The following SLC26A3 variants were observed in gnomAD, a reference collection of about 807,000 sequenced individuals.
SLC26A3 encodes the protein solute carrier family 26 member 3.
SLC26A3 carries 64 observed loss-of-function variants against 85.6 expected under a neutral mutation model. That is an observed-to-expected ratio of 0.75 (90% confidence interval 0.61 to 0.92). The LOEUF (loss-of-function observed/expected upper bound fraction) is 0.92, where lower values mean the gene tolerates loss of function less well. Ranked by LOEUF, SLC26A3 falls within the 40% of genes least tolerant of loss-of-function variation. SLC26A3 has a pLI of 0.00. For missense variants in SLC26A3, 922 were observed against 927.3 expected (o/e 0.99, Z 0.07); for synonymous variants, 349 against 336.0 (o/e 1.04, Z -0.42).
chr7:107,778,251 T>C lies in SLC26A3; in HGVS notation c.1438A>G (p.Ile480Val), dbSNP rs1040032743. ...LIWIMTFIFTIVLGLGLGLAA... is the reference protein window; with the variant it reads ...LIWIMTFIFTVVLGLGLGLAA... The stretch of plus-strand genomic sequence containing the variant: ...AGGCCTAACCCGAGTCCCAGGACAA[T>C]GGTGAAGATGAAGGTCATGATCCAA... Residue 480 changes from isoleucine to valine, a missense_variant, in exon 13 of 21, where the codon ATT becomes GTT. By Grantham distance (29) the Ile-to-Val change is conservative (BLOSUM62 3). Coordinates refer to ENST00000340010, the MANE Select transcript of SLC26A3 (RefSeq NM_000111.3). The C allele has an allele frequency of 1.2e-6, 2 of 1,613,512 alleles. No individual in the cohort carries two copies. Among genetic ancestry groups the C allele is most frequent in the Non-Finnish European group, 1.7e-6 (2 of 1,179,752 alleles).
chr7:107,774,745 A>G lies in SLC26A3; in HGVS notation c.1773+32T>C, dbSNP rs774610526. On this transcript the variant is annotated intron_variant, in intron 16 of 20. Transcript: ENST00000340010. ...ATCATCCTTTACTAAGCTTTTAGCTATAATGCATAGAAATGTGGTCAAGGA... is the reference window on the plus strand; with the variant it reads ...ATCATCCTTTACTAAGCTTTTAGCTGTAATGCATAGAAATGTGGTCAAGGA... 7 of 1,455,842 alleles carry G rather than the reference A, an allele frequency of 4.8e-6. No individual in the cohort carries two copies. The African/African-American group carries it at 5.6e-5, about 12-fold the overall frequency. 90.2% of individuals were successfully genotyped at this position (1,455,842 alleles called of 1,614,324 possible).
intron 13 of SLC26A3, 191 bp from the exon 14 acceptor site, chr7:107,776,897 A>C: frequency 1.5e-6 from 1 of 648,054 alleles, no homozygotes; most frequent in Non-Finnish European, 2.8e-6. Flanking sequence ...CTCTCACAGC[A>C]CCTGAAAAGT....
intron 15 of SLC26A3, chr7:107,776,022 C>T (rs1201648851): frequency 4.2e-6 from 1 of 238,008 alleles, no homozygotes; most frequent in Non-Finnish European, 8.3e-6. Flanking sequence ...CAGGGACACT[C>T]AGTATGTATT....
chr7:107,791,286 T>C (rs1794397449), intron 4 of SLC26A3, 51 bp from the exon 5 acceptor site: 1 of 1,554,916 alleles, frequency 6.4e-7, no homozygotes, highest in Non-Finnish European at 8.9e-7. Flanking sequence ...CTAAAGCACA[T>C]TGTCTTTCAA....
At chr7:107,770,122 C>CT (rs1554377214) in intron 18 of SLC26A3, among the ~76,000 whole-genome samples, 1 of 76,458 alleles carries the variant, frequency 1.3e-5, no homozygotes, top group African/African-American at 4.5e-5. Context: ...TTTCTTCTTT[C>CT]TCTTTCTTTC....
At chr7:107,793,619 T>C in intron 3 of SLC26A3, 123 bp downstream of exon 3, 1 of 733,094 alleles carries the variant, frequency 1.4e-6, no homozygotes. Flanking sequence ...GTGGTGAAAA[T>C]GTTCCAGAAT....
At chr7:107,766,002 C>T in intron 20 of SLC26A3, 124 bp from the exon 21 acceptor site, 1 of 762,956 alleles carries the variant, frequency 1.3e-6, no homozygotes, top group East Asian at 2.5e-5. Context: ...TTTTAATGAT[C>T]AAGTACCTTC....
chr7:107,798,697 C>T (rs1052019037), intron 1 of SLC26A3, among the ~76,000 whole-genome samples: 1 of 152,158 alleles, frequency 6.6e-6, no homozygotes, highest in Non-Finnish European at 1.5e-5. Flanking sequence ...CAGCTCCTAG[C>T]AGCATCACCC....
intron 15 of SLC26A3, 167 bp downstream of exon 15, chr7:107,776,285 C>T: frequency 1.5e-6 from 1 of 669,480 alleles, no homozygotes; most frequent in Non-Finnish European, 2.7e-6. Context: ...ACAAACTCCC[C>T]ATAAGGTAGT....
intron 1 of SLC26A3, 44 bp from the exon 2 acceptor site, chr7:107,794,641 T>C (rs1794465821): frequency 3.1e-6 from 3 of 956,588 alleles, no homozygotes; most frequent in Non-Finnish European, 5.0e-6. Flanking sequence ...TCAGAGATAA[T>C]GTGATGCAAT....
chr7:107,772,900 T>A (rs1794049641), intron 17 of SLC26A3, among the ~76,000 whole-genome samples: 1 of 152,118 alleles, frequency 6.6e-6, no homozygotes, highest in Non-Finnish European at 1.5e-5. Flanking sequence ...TTAAAAAAAA[T>A]TCTTCCATTT....
chr7:107,775,081 C>G (rs1463065208), intron 15 of SLC26A3, among the ~76,000 whole-genome samples: 2 of 152,168 alleles, frequency 1.3e-5, no homozygotes, highest in African/African-American at 4.8e-5. Flanking sequence ...TATCAACAGT[C>G]AAAAGCTTTT....
intron 1 of SLC26A3, among the ~76,000 whole-genome samples, chr7:107,800,260 T>G (rs778812063): frequency 3.3e-5 from 5 of 152,188 alleles, no homozygotes; most frequent in Non-Finnish European, 7.3e-5. Flanking sequence ...GTTGGGAGAC[T>G]GAAGTGGGGA....
At chr7:107,773,739 C>T (rs1016341359) in intron 17 of SLC26A3, among the ~76,000 whole-genome samples, 181 bp downstream of exon 17, 1 of 152,144 alleles carries the variant, frequency 6.6e-6, no homozygotes, top group Non-Finnish European at 1.5e-5. Flanking sequence ...TTAGTAGAGA[C>T]GGGGCTTCGC....
At chr7:107,776,024 G>A (rs990782378) in intron 15 of SLC26A3, 2 of 252,756 alleles carry the variant, frequency 7.9e-6, no homozygotes, top group Non-Finnish European at 1.5e-5. Context: ...GGGACACTCA[G>A]TATGTATTGT....
intron 1 of SLC26A3, among the ~76,000 whole-genome samples, chr7:107,800,057 T>C (rs998517517): frequency 9.9e-5 from 15 of 152,246 alleles, no homozygotes; most frequent in African/African-American, 3.6e-4. Context: ...CTCTGGTCTA[T>C]CTCACAAGCT....
At position 107,786,841 on chromosome 7, in the gene SLC26A3, C is replaced by T; in HGVS notation, c.957G>A (p.Gly319=). ...GACACACTTACCCAGGATTCATGTC[C>T]CCAACCACAGCCACTTTAAACCTGT... is the stretch of plus-strand genomic sequence containing the variant. ...FKNRFKVAVV[G]DMNPGFQPPI... Residue 319 remains glycine (G), a synonymous_variant, in exon 8 of 21, where the codon GGG becomes GGA. Coordinates refer to ENST00000340010, the MANE Select transcript of SLC26A3 (RefSeq NM_000111.3). 2 of 1,613,744 alleles carry T rather than the reference C, an allele frequency of 1.2e-6. No individual in the cohort carries two copies. The highest frequency in any genetic ancestry group is 8.5e-7 in the Non-Finnish European group (1 of 1,179,738).
intron 2 of SLC26A3, 47 bp downstream of exon 2, chr7:107,794,332 G>T (rs1403356210): frequency 1.2e-6 from 2 of 1,606,168 alleles, no homozygotes; most frequent in East Asian, 2.2e-5. Flanking sequence ...AGGGGAAAGT[G>T]CTTCAAAAAT....
chr7:107,797,457 G>A (rs1327896000), intron 1 of SLC26A3, among the ~76,000 whole-genome samples: 2 of 151,970 alleles, frequency 1.3e-5, no homozygotes, highest in African/African-American at 4.8e-5. Flanking sequence ...TCATGCCCCT[G>A]CACTCCAGCC....
Sources: gnomAD v4.1 joint callset for allele counts (sites outside exome capture counted in the v4.1 genomes callset) on GRCh38, gnomAD v4.1.1 for gene constraint, MANE v1.5 for transcripts, NCBI Gene and HGNC (gene_info 2026-07-23, HGNC 2026-07-21) for gene names.